ZNF430: variants seen among roughly 807,000 people sequenced by gnomAD.
ZNF430 encodes the protein zinc finger protein 430.
A neutral mutation model predicts 56.7 loss-of-function variants in ZNF430; 35 were observed. The observed-to-expected ratio is 0.62, with a 90% CI of 0.47 to 0.82. The LOEUF is 0.82. Ranked by LOEUF, ZNF430 falls within the 40% of genes least tolerant of loss-of-function variation. ZNF430 has a pLI of 0.00. For synonymous variants in ZNF430, 212 were observed against 224.3 expected, an observed-to-expected ratio of 0.94 and a Z score of 0.49; for missense variants, 574 against 661.0, an observed-to-expected ratio of 0.87 and a Z score of 1.44.
intron 4 of ZNF430, among the ~76,000 whole-genome samples, chr19:21,040,731 A>C (rs1311940935): frequency 6.6e-6 from 1 of 152,214 alleles, no homozygotes; most frequent in African/African-American, 2.4e-5. Flanking sequence ...TTATTATTGC[A>C]AATGGGATCT....
intron 4 of ZNF430, among the ~76,000 whole-genome samples, chr19:21,050,066 A>G (rs999332064): frequency 3.9e-5 from 4 of 103,854 alleles, no homozygotes; most frequent in Non-Finnish European, 8.1e-5. Flanking sequence ...GTATTTTTTC[A>G]GTAGAGGCAG....
At chr19:21,041,409 C>CT (rs1167310769) in intron 4 of ZNF430, among the ~76,000 whole-genome samples, 2 of 152,062 alleles carry the variant, frequency 1.3e-5, no homozygotes, top group Non-Finnish European at 2.9e-5. Flanking sequence ...CCTGAGATTA[C>CT]TTTTTTTTAT....
chr19:21,039,488 ACAGAGT>A (rs1336809980), intron 4 of ZNF430, among the ~76,000 whole-genome samples: 1 of 33,332 alleles, frequency 3.0e-5, no homozygotes, highest in Non-Finnish European at 9.0e-5. Context: ...TTTTACTGAG[ACAGAGT>A]CTCACTCTGT....
chr19:21,055,674 A>G (rs1238931893), intron 4 of ZNF430, among the ~76,000 whole-genome samples: 1 of 152,076 alleles, frequency 6.6e-6, no homozygotes, highest in Non-Finnish European at 1.5e-5. Flanking sequence ...GGCTGGTCTC[A>G]AACTTGTGAC....
intron 1 of ZNF430, among the ~76,000 whole-genome samples, chr19:21,022,427 G>A (rs1967709332): frequency 6.6e-6 from 1 of 152,066 alleles, no homozygotes; most frequent in African/African-American, 2.4e-5. Context: ...TTTTTACACC[G>A]TATTTTAATT....
At chr19:21,048,056 G>A (rs927010773) in intron 4 of ZNF430, among the ~76,000 whole-genome samples, 5 of 147,566 alleles carry the variant, frequency 3.4e-5, no homozygotes, top group African/African-American at 5.0e-5. Flanking sequence ...TAACTTTATC[G>A]TTACATGCTT....
In ZNF430 at chr19:21,056,815, G is replaced by C. The variant is rs1968386744; in HGVS notation, c.507G>C (p.Leu169Phe). 5 of 1,613,908 alleles carry C rather than the reference G, an allele frequency of 3.1e-6. No individual in the cohort carries two copies. The East Asian group carries it at 6.7e-5, about 22-fold the overall frequency. The change falls in exon 5 of 5, where the codon TTG becomes TTC. Residue 169 changes from leucine (L) to phenylalanine (F), a missense_variant. Coordinates refer to ENST00000261560, the MANE Select transcript of ZNF430 (RefSeq NM_025189.4). ...KECYDELNQC[L>F]TTTQSEIFQY... ...GTTATGATGAACTAAACCAGTGTTT[G>C]ACAACTACCCAGAGTGAAATATTTC...
At chr19:21,046,360 G>T (rs914379473) in intron 4 of ZNF430, among the ~76,000 whole-genome samples, 1 of 151,606 alleles carries the variant, frequency 6.6e-6, no homozygotes, top group African/African-American at 2.4e-5. Context: ...ATTGCTATGT[G>T]TGAATTTGAT....
At chr19:21,043,294 G>T (rs560900755) in intron 4 of ZNF430, among the ~76,000 whole-genome samples, 30 of 152,084 alleles carry the variant, frequency 2.0e-4, no homozygotes, top group Non-Finnish European at 3.5e-4. Flanking sequence ...GTTAACTTTT[G>T]TACAGGTGTA....
In ZNF430 at chr19:21,057,837, ATACATCT is replaced by A; in HGVS notation, c.1534_1540del (p.Ser512AsnfsTer3). Reference sequence around the variant, plus strand: ...AAACATAAGATAACTCATATTGGAGATACATCTTACAAATACCTAGAATGTGATAAAG... The same window carrying A: ...AAACATAAGATAACTCATATTGGAGATACAAATACCTAGAATGTGATAAAG... On this transcript the variant is annotated frameshift_variant, in exon 5 of 5. Coordinates refer to ENST00000261560, the MANE Select transcript of ZNF430 (RefSeq NM_025189.4). LOFTEE classifies it high-confidence loss of function. 3 of 1,614,080 alleles carry A rather than the reference ATACATCT, an allele frequency of 1.9e-6. No individual in the cohort carries two copies. The highest frequency in any genetic ancestry group is 2.7e-5 in the African/African-American group (2 of 75,058).
rs746484913 is a variant in ZNF430, at chr19:21,056,794, T to C, written c.486T>C (p.Tyr162=). The change falls in exon 5 of 5, where the codon TAT becomes TAC. Residue 162 remains tyrosine (Y), a synonymous_variant. Transcript: ENST00000261560. The part of the protein sequence containing the change: ...VDECNLHKEC[Y]DELNQCLTTT... ...AGTGTAATCTGCACAAAGAATGTTA[T>C]GATGAACTAAACCAGTGTTTGACAA... 2.5e-5 allele frequency: 41 copies of C among 1,613,832 alleles called. No individual in the cohort carries two copies. The highest frequency in any genetic ancestry group is 8.8e-5 in the South Asian group (8 of 91,062).
At chr19:21,031,810 G>A (rs1315559800) in intron 2 of ZNF430, among the ~76,000 whole-genome samples, 1 of 152,168 alleles carries the variant, frequency 6.6e-6, no homozygotes, top group East Asian at 1.9e-4. Context: ...GGAATGCCAT[G>A]TGTTTAGTAC....
chr19:21,034,305 G>GTTT, intron 4 of ZNF430, 121 bp downstream of exon 4: 4 of 648,378 alleles, frequency 6.2e-6, no homozygotes, highest in Non-Finnish European at 7.3e-6. Context: ...GGAAGCCTGA[G>GTTT]TTTTTTTTTT....
intron 4 of ZNF430, among the ~76,000 whole-genome samples, chr19:21,044,692 G>A (rs1341224351): frequency 1.3e-5 from 2 of 152,168 alleles, no homozygotes; most frequent in South Asian, 2.1e-4. Context: ...GTAGAATTCA[G>A]CTGTAAATCC....
At chr19:21,022,486 A>T (rs1474127377) in intron 1 of ZNF430, among the ~76,000 whole-genome samples, 7 of 152,170 alleles carry the variant, frequency 4.6e-5, no homozygotes, top group Non-Finnish European at 1.0e-4. Flanking sequence ...AAGATTTGTT[A>T]TCTGTTTGTA....
intron 4 of ZNF430, among the ~76,000 whole-genome samples, chr19:21,047,777 G>C (rs1968205860): frequency 6.6e-6 from 1 of 152,302 alleles, no homozygotes; most frequent in East Asian, 1.9e-4. Flanking sequence ...TTTATAAGTT[G>C]TCTGACGATG....
rs79777991 is a variant in ZNF430 at position 21,036,819 on chromosome 19, A to C, written c.322+2635A>C. 1.1e-4 allele frequency: 16 copies of C among 148,866 alleles called. No homozygotes were observed. In the East Asian group the frequency reaches 3.1e-3, roughly 29 times the overall value. The allele number at this position is 148,866 out of a possible 1,614,324, so 9.2% of individuals were successfully genotyped here. Reference sequence around the variant, plus strand: ...TGTGTCTCCAAAAAAAAAAAAAAAAACCACAGCTCTACATTTCAGGCAGGC... The same window carrying C: ...TGTGTCTCCAAAAAAAAAAAAAAAACCCACAGCTCTACATTTCAGGCAGGC... On this transcript the variant is annotated intron_variant, in intron 4 of 4. Transcript: ENST00000261560.
chr19:21,026,827 CTTTT>C lies in ZNF430; in HGVS notation c.96+3966_96+3969del, dbSNP rs747809260. On this transcript the variant is annotated intron_variant, in intron 2 of 4. Transcript: ENST00000261560. ...TTGGATGCCTTTTTTCTTTTCTTTTCTTTTTTTTTTTTTTTTTTTTTTTGAGACA... is the reference window on the plus strand; with the variant it reads ...TTGGATGCCTTTTTTCTTTTCTTTTCTTTTTTTTTTTTTTTTTTTGAGACA... Among the ~76,000 whole-genome samples, 7 of 68,728 alleles carry C rather than the reference CTTTT, an allele frequency of 1.0e-4. No homozygotes were observed. In the East Asian group the frequency reaches 1.6e-3, roughly 15 times the overall value. The allele number at this position is 68,728 out of a possible 152,430, so 45.1% of individuals were successfully genotyped here.
chr19:21,031,810 G>C (rs1315559800), intron 2 of ZNF430, among the ~76,000 whole-genome samples: 2 of 152,168 alleles, frequency 1.3e-5, no homozygotes, highest in African/African-American at 4.8e-5. Flanking sequence ...GGAATGCCAT[G>C]TGTTTAGTAC....
Sources: allele counts gnomAD v4.1 joint callset (sites outside exome capture counted in the v4.1 genomes callset), GRCh38; gene constraint gnomAD v4.1.1; transcripts MANE v1.5; gene names NCBI Gene and HGNC (gene_info 2026-07-23, HGNC 2026-07-21).